The following NUP205 variants were observed in gnomAD, a reference collection of about 807,000 sequenced individuals.
The protein encoded by NUP205 is nucleoporin 205, also known as nuclear pore complex protein Nup205.
NUP205 carries 76 observed loss-of-function variants against 253.8 expected under a neutral mutation model. The ratio of observed to expected loss-of-function variants is 0.30; its 90% confidence interval spans 0.25 to 0.36. The LOEUF (loss-of-function observed/expected upper bound fraction) is 0.36. Among genes scored for constraint, NUP205 ranks in the 10% least tolerant of loss-of-function variants. The pLI is 1.00. For synonymous variants in NUP205, 832 were observed against 850.1 expected, an observed-to-expected ratio of 0.98 and a Z score of 0.37; for missense variants, 2,162 against 2,425.5, an observed-to-expected ratio of 0.89 and a Z score of 2.28.
chr7:135,590,344 C>T (rs140111071), intron 10 of NUP205, among the ~76,000 whole-genome samples: 6,497 of 142,408 alleles, frequency 0.046, 633 homozygotes, highest in African/African-American at 0.16. Flanking sequence ...GAACTCCTGA[C>T]CTCAGGTGAT....
chr7:135,583,403 A>G (rs1806364161), intron 7 of NUP205, among the ~76,000 whole-genome samples: 2 of 152,158 alleles, frequency 1.3e-5, no homozygotes, highest in Non-Finnish European at 2.9e-5. Context: ...AGAAAGTTGA[A>G]TGTAAGTCAG....
In NUP205 at chr7:135,642,843, GGTGT is replaced by G. The variant is rs57007288; in HGVS notation, c.5393-314_5393-311del. Among the ~76,000 whole-genome samples the G allele has an allele frequency of 8.6e-3, 1,248 of 144,936 alleles. 12 individuals carry two copies. The highest frequency in any genetic ancestry group is 0.021 in the African/African-American group (805 of 38,884). ...GTGTATATTGTTTTTGATGTGGAGGGGTGTGTGTGTGTGTGTGTGTGTGTGTGTG... is the reference window on the plus strand; with the variant it reads ...GTGTATATTGTTTTTGATGTGGAGGGGTGTGTGTGTGTGTGTGTGTGTGTG... On this transcript the variant is annotated intron_variant, in intron 38 of 42. Transcript: ENST00000285968.
chr7:135,612,015 G>A lies in NUP205; in HGVS notation c.3196-2144G>A, dbSNP rs549857702. On this transcript the variant is annotated intron_variant, in intron 22 of 42. Transcript: ENST00000285968. ...GGCACCTGTAGTCCCAGCTACTCAG[G>A]AGGCTGAGGCGGGAGAATGGCATGA... Among the ~76,000 whole-genome samples, 7 of 152,230 alleles carry A rather than the reference G, an allele frequency of 4.6e-5. No individual in the cohort carries two copies. The South Asian group carries it at 8.3e-4, about 18-fold the overall frequency.
At chr7:135,620,005 T>A (rs1794443939) in intron 30 of NUP205, 117 bp downstream of exon 30, 3 of 701,028 alleles carry the variant, frequency 4.3e-6, no homozygotes, top group Non-Finnish European at 7.4e-6. Context: ...TGAGTGTTAG[T>A]GTCATTTTTA....
intron 11 of NUP205, 77 bp from the exon 12 acceptor site, chr7:135,592,910 A>T: frequency 9.1e-7 from 1 of 1,095,426 alleles, no homozygotes; most frequent in Non-Finnish European, 1.4e-6. Flanking sequence ...ATATTGTTTT[A>T]AATTAATTTT....
At chr7:135,576,187 T>C (rs1434453886) in intron 3 of NUP205, 83 bp from the exon 4 acceptor site, 1 of 1,218,914 alleles carries the variant, frequency 8.2e-7, no homozygotes, top group African/African-American at 1.5e-5. Flanking sequence ...TTCTTTGAAC[T>C]GAACATTGTT....
chr7:135,630,047 T>TTA (rs1242443586), intron 34 of NUP205, among the ~76,000 whole-genome samples: 2 of 152,152 alleles, frequency 1.3e-5, no homozygotes, highest in Non-Finnish European at 2.9e-5. Flanking sequence ...TAGTTCTGAG[T>TTA]TATATTCTTC....
At chr7:135,575,348 G>A (rs1226139573) in intron 3 of NUP205, among the ~76,000 whole-genome samples, 2 of 152,106 alleles carry the variant, frequency 1.3e-5, no homozygotes, top group African/African-American at 4.8e-5. Context: ...AGGATGAAGG[G>A]CATCCAGGCA....
intron 33 of NUP205, among the ~76,000 whole-genome samples, chr7:135,627,706 T>G (rs1275497532): frequency 6.6e-6 from 1 of 152,194 alleles, no homozygotes; most frequent in Non-Finnish European, 1.5e-5. Context: ...GTTTTGGAAG[T>G]TTCAAGCATT....
intron 30 of NUP205, 58 bp from the exon 31 acceptor site, chr7:135,622,719 T>C: frequency 6.7e-7 from 1 of 1,498,004 alleles, no homozygotes; most frequent in Non-Finnish European, 9.1e-7. Flanking sequence ...GAGGTATAAT[T>C]ACTCAGTTAT....
chr7:135,610,791 G>C (rs2129490953), intron 22 of NUP205, among the ~76,000 whole-genome samples: 1 of 152,254 alleles, frequency 6.6e-6, no homozygotes, highest in Admixed American at 6.5e-5. Context: ...TGTAGCAAAG[G>C]GAAATGGTCC....
intron 40 of NUP205, 66 bp downstream of exon 40, chr7:135,645,084 C>T (rs1794981780): frequency 1.3e-6 from 2 of 1,570,180 alleles, no homozygotes; most frequent in Non-Finnish European, 1.7e-6. Flanking sequence ...CACTTATTCT[C>T]ATATTATTTG....
chr7:135,572,601 G>T (rs889489673), intron 2 of NUP205, among the ~76,000 whole-genome samples: 1 of 152,124 alleles, frequency 6.6e-6, no homozygotes, highest in Admixed American at 6.6e-5. Flanking sequence ...TCACTCTGTC[G>T]TCCAGTCTGG....
chr7:135,566,297 C>G (rs7799373), intron 1 of NUP205, among the ~76,000 whole-genome samples: 2 of 151,770 alleles, frequency 1.3e-5, no homozygotes, highest in Non-Finnish European at 2.9e-5. Flanking sequence ...CTAGTAGAGA[C>G]GGAGTTTCAT....
At chr7:135,616,437 C>T (rs1215731759) in intron 24 of NUP205, among the ~76,000 whole-genome samples, 1 of 152,108 alleles carries the variant, frequency 6.6e-6, no homozygotes, top group South Asian at 2.1e-4. Flanking sequence ...ATTCTCTTTA[C>T]AATTGTGCAG....
At chr7:135,648,049 C>G (rs573733385) in intron 42 of NUP205, among the ~76,000 whole-genome samples, 78 of 151,920 alleles carry the variant, frequency 5.1e-4, no homozygotes, top group African/African-American at 1.7e-3. Flanking sequence ...CCTGCATTCT[C>G]CTTCCCTCCC....
At position 135,638,564 on chromosome 7, in the gene NUP205, C is replaced by A; in HGVS notation, c.5273C>A (p.Ala1758Asp). Residue 1758 changes from alanine (A) to aspartate (D), a missense_variant, in exon 38 of 43, where the codon GCC becomes GAC. Around this residue, in one of 5 missense-constraint regions of NUP205, gnomAD observed 1,144 missense variants for 1,280.9 expected, o/e 0.89. Transcript: ENST00000285968. Reference protein sequence around the residue: ...EIELAMQQICANVMEYCQSLM... With the variant: ...EIELAMQQICDNVMEYCQSLM... ...ACTGTTTTTTGATTATAGATTTGTG[C>A]CAATGTAATGGAATATTGCCAGTCA... The A allele has an allele frequency of 6.2e-7, 1 of 1,613,422 alleles. No individual in the cohort carries two copies. Among genetic ancestry groups the A allele is most frequent in the Non-Finnish European group, 8.5e-7 (1 of 1,179,694 alleles).
At chr7:135,614,875 C>T (rs1015563863) in intron 23 of NUP205, among the ~76,000 whole-genome samples, 1 of 152,080 alleles carries the variant, frequency 6.6e-6, no homozygotes, top group Non-Finnish European at 1.5e-5. Context: ...AAAAGTTTAG[C>T]TTGTGTCATC....
At chr7:135,648,318 C>A in intron 42 of NUP205, 86 bp from the exon 43 acceptor site, 1 of 1,200,880 alleles carries the variant, frequency 8.3e-7, no homozygotes, top group Non-Finnish European at 1.1e-6. Flanking sequence ...TACAAAAATT[C>A]TAAAGTGTTT....
Sources: gnomAD v4.1 joint callset for allele counts (sites outside exome capture counted in the v4.1 genomes callset) on GRCh38, gnomAD v4.1.1 for gene constraint, gnomAD v4.1.1 regional missense constraint, MANE v1.5 for transcripts, NCBI Gene and HGNC (gene_info 2026-07-23, HGNC 2026-07-21) for gene names.